TMEM178B: variants seen among roughly 807,000 people sequenced by gnomAD.
The protein encoded by TMEM178B is transmembrane protein 178B.
TMEM178B carries 5 observed loss-of-function variants against 31.0 expected under a neutral mutation model. That is an observed-to-expected ratio of 0.16 (90% CI 0.08 to 0.34). TMEM178B has a LOEUF of 0.34. Among genes scored for constraint, TMEM178B ranks in the 10% least tolerant of loss-of-function variants. The pLI is 1.00. For missense variants in TMEM178B, 275 were observed against 400.3 expected (o/e 0.69, Z 2.67); for synonymous variants, 164 against 164.0 (o/e 1.00, Z 0.00).
intron 1 of TMEM178B, among the ~76,000 whole-genome samples, chr7:141,089,961 A>T (rs1456165936): frequency 6.6e-6 from 1 of 152,096 alleles, no homozygotes; most frequent in Non-Finnish European, 1.5e-5. Context: ...ATACATATGT[A>T]ACATACCTGC....
At chr7:141,288,199 T>G (rs1391031789) in intron 2 of TMEM178B, among the ~76,000 whole-genome samples, 1 of 151,940 alleles carries the variant, frequency 6.6e-6, no homozygotes, top group Non-Finnish European at 1.5e-5. Context: ...TCTACTCTTT[T>G]TTTTTTTCCC....
At chr7:141,492,970 G>C in the TMEM178B span, among the ~76,000 whole-genome samples, 6 of 152,180 alleles carry the variant, frequency 3.9e-5, no homozygotes, top group Non-Finnish European at 8.8e-5. Context: ...AATAAATATT[G>C]ATGTGTGTGT....
At chr7:141,301,327 C>A (rs965714000) in intron 2 of TMEM178B, among the ~76,000 whole-genome samples, 3 of 152,106 alleles carry the variant, frequency 2.0e-5, no homozygotes, top group Non-Finnish European at 2.9e-5. Flanking sequence ...TAAACATGCA[C>A]AATATATAAA....
intron 2 of TMEM178B, among the ~76,000 whole-genome samples, chr7:141,384,283 A>G (rs933312411): frequency 5.9e-5 from 9 of 152,186 alleles, no homozygotes; most frequent in Non-Finnish European, 7.3e-5. Flanking sequence ...TTAGACATGA[A>G]GTCCTTGCCC....
Position 141,435,233 on chromosome 7 carries a change from T to C in TMEM178B, c.497-2375T>C, listed in dbSNP as rs545520008. Among the ~76,000 whole-genome samples the C allele has an allele frequency of 1.1e-3, 169 of 152,224 alleles. 1 individual carries two copies. The highest frequency in any genetic ancestry group is 4.2e-4 in the South Asian group (2 of 4,808). On this transcript the variant is annotated intron_variant, in intron 2 of 3. Transcript: ENST00000565468. ...CCCTGTCTCTCACCAAGTAAAAAAA[T>C]AAACTCAAAATGGATTAAATACTTA...
chr7:141,308,352 C>T (rs925962966), intron 2 of TMEM178B, among the ~76,000 whole-genome samples: 2 of 152,178 alleles, frequency 1.3e-5, no homozygotes, highest in Non-Finnish European at 2.9e-5. Flanking sequence ...ATGTGTTGTA[C>T]ATTTTTCACC....
intron 2 of TMEM178B, among the ~76,000 whole-genome samples, chr7:141,264,305 C>G (rs1798060401): frequency 1.3e-5 from 2 of 152,222 alleles, no homozygotes; most frequent in African/African-American, 4.8e-5. Context: ...CTCCCAGAAG[C>G]CAAGGGCAAA....
At chr7:141,402,729 C>T (rs1321500616) in intron 2 of TMEM178B, among the ~76,000 whole-genome samples, 1 of 152,226 alleles carries the variant, frequency 6.6e-6, no homozygotes, top group Non-Finnish European at 1.5e-5. Flanking sequence ...CTGTAATTAG[C>T]CCCCACCAAC....
chr7:141,294,276 TA>T (rs1185432896), intron 2 of TMEM178B, among the ~76,000 whole-genome samples: 1 of 152,218 alleles, frequency 6.6e-6, no homozygotes, highest in African/African-American at 2.4e-5. Context: ...CAGGGCCCCT[TA>T]GTTCCTCTCC....
intron 2 of TMEM178B, among the ~76,000 whole-genome samples, chr7:141,370,297 T>C (rs746447769): frequency 1.3e-5 from 2 of 152,172 alleles, no homozygotes; most frequent in Non-Finnish European, 2.9e-5. Flanking sequence ...TGACCAGCAA[T>C]TCAGGGAGTG....
Position 141,471,781 on chromosome 7 carries a change from C to CGTGTGTGTGTGT in TMEM178B, c.*1021_*1032dup, listed in dbSNP as rs71948091. 1 of 142,548 alleles carries CGTGTGTGTGTGT rather than the reference C, an allele frequency of 7.0e-6. No individual in the cohort carries two copies. The highest frequency in any genetic ancestry group is 2.6e-5 in the African/African-American group (1 of 38,244). The allele number at this position is 142,548 out of a possible 1,614,324, so 8.8% of individuals were successfully genotyped here. A position where few individuals can be genotyped will look rare whatever the true frequency, so the allele number is the denominator to read the frequency against. ...AGATCCCTGGAGTGGTGTGTGTGTG[C>CGTGTGTGTGTGT]GTGTGTGTGTGTGTGTGTGTGTGTG... On this transcript the variant is annotated 3_prime_UTR_variant, in exon 4 of 4. Transcript: ENST00000565468. This position sits in a 1 kb window ranked among gnomAD's most constrained non-coding sequence, Gnocchi z 4.1.
At chr7:141,262,050 T>A (rs1169556732) in intron 2 of TMEM178B, among the ~76,000 whole-genome samples, 1 of 152,138 alleles carries the variant, frequency 6.6e-6, no homozygotes, top group Non-Finnish European at 1.5e-5. Flanking sequence ...CTACTTTTAA[T>A]AGATAAAATA....
At chr7:141,193,873 C>T (rs1316942977) in intron 1 of TMEM178B, among the ~76,000 whole-genome samples, 2 of 152,244 alleles carry the variant, frequency 1.3e-5, no homozygotes, top group African/African-American at 4.8e-5. Flanking sequence ...GGTGCAGACT[C>T]CTCATATTGC....
At chr7:141,460,665 G>T (rs1190623682) in intron 3 of TMEM178B, among the ~76,000 whole-genome samples, 1 of 152,220 alleles carries the variant, frequency 6.6e-6, no homozygotes, top group African/African-American at 2.4e-5. Context: ...TGTTGCTGTG[G>T]AAAGCTCACA....
At chr7:141,435,465 C>T (rs931500617) in intron 2 of TMEM178B, among the ~76,000 whole-genome samples, 6 of 152,104 alleles carry the variant, frequency 3.9e-5, no homozygotes, top group Non-Finnish European at 8.8e-5. Context: ...CAAGTGGGGA[C>T]CATTGTCTAC....
At position 141,461,033 on chromosome 7, in the gene TMEM178B, A is replaced by G. The variant is rs1173601293; in HGVS notation, c.635-9503A>G. ...AGCTGTAAAATGCTCTCGAGAGCTA[A>G]ATGCGGCTGAAGCATTTAATCTAAG... On this transcript the variant is annotated intron_variant, in intron 3 of 3. Transcript: ENST00000565468. This position sits in a 1 kb window ranked among gnomAD's most constrained non-coding sequence, Gnocchi z 4.0. 2.0e-5 allele frequency among the ~76,000 whole-genome samples: 3 copies of G among 152,230 alleles called. No homozygotes were observed. Among genetic ancestry groups the G allele is most frequent in the Admixed American group, 6.5e-5 (1 of 15,288 alleles).
intron 2 of TMEM178B, among the ~76,000 whole-genome samples, chr7:141,253,054 C>T (rs1328315017): frequency 2.0e-5 from 3 of 152,244 alleles, no homozygotes; most frequent in African/African-American, 7.2e-5. Flanking sequence ...CCTCTGCCTC[C>T]TCCAGTTCTG....
At chr7:141,459,160 G>A (rs1294200491) in intron 3 of TMEM178B, among the ~76,000 whole-genome samples, 1 of 152,160 alleles carries the variant, frequency 6.6e-6, no homozygotes, top group South Asian at 2.1e-4. Flanking sequence ...CTCCCGAGTA[G>A]CTGGGATTAC....
At chr7:141,129,639 T>C (rs974514650) in intron 1 of TMEM178B, among the ~76,000 whole-genome samples, 1 of 152,176 alleles carries the variant, frequency 6.6e-6, no homozygotes, top group Non-Finnish European at 1.5e-5. Context: ...AGAGTCAAAC[T>C]CTTAAAATTA....
Sources: allele counts gnomAD v4.1 joint callset (sites outside exome capture counted in the v4.1 genomes callset), GRCh38; gene constraint gnomAD v4.1.1; non-coding constraint Gnocchi (gnomAD v3.1); transcripts MANE v1.5; gene names NCBI Gene and HGNC (gene_info 2026-07-23, HGNC 2026-07-21).